SAMSN1: variants seen among roughly 807,000 people sequenced by gnomAD.
The protein encoded by SAMSN1 is SAM domain-containing protein SAMSN-1.
In SAMSN1, 31 loss-of-function variants were observed where a neutral mutation model predicts 42.0. That is an observed-to-expected ratio of 0.74 (90% CI 0.55 to 1.00). The LOEUF is 1.00. SAMSN1 is among the 50% of genes least tolerant of loss of function. The probability of loss-of-function intolerance (pLI) is 0.00; values close to 1 mark genes in which losing one functional copy is unlikely to be tolerated. For synonymous variants in SAMSN1, 178 were observed against 151.9 expected (o/e 1.17, Z -1.26); for missense variants, 464 against 439.4 (o/e 1.06, Z -0.50).
In SAMSN1 at chr21:14,486,204, A is replaced by G. The variant is rs534993024; in HGVS notation, c.920-90T>C. The G allele has an allele frequency of 1.2e-5, 10 of 861,856 alleles. 1 individual carries two copies. The Middle Eastern group carries it at 2.8e-3, about 240-fold the overall frequency. 53.4% of individuals were successfully genotyped at this position (861,856 alleles called of 1,614,324 possible). A position where few individuals can be genotyped will look rare whatever the true frequency, so the allele number is the denominator to read the frequency against. On this transcript the variant is annotated intron_variant, in intron 7 of 7. Transcript: ENST00000400566. ...TCACTTTCAAGTATTATCCTATTTT[A>G]ACTGTTCTAACCATGACTTCATTAC...
At chr21:14,512,315 A>G (rs1233627547) in intron 4 of SAMSN1, 129 bp downstream of exon 4, 4 of 906,936 alleles carry the variant, frequency 4.4e-6, no homozygotes, top group Non-Finnish European at 6.9e-6. Flanking sequence ...TAGATTTAAT[A>G]TATCTTACAT....
chr21:14,508,378 A>C (rs1600873183), intron 5 of SAMSN1, among the ~76,000 whole-genome samples: 1 of 152,292 alleles, frequency 6.6e-6, no homozygotes, highest in Non-Finnish European at 1.5e-5. Flanking sequence ...AAACAATCCC[A>C]TCAAAAAGTA....
At position 14,486,437 on chromosome 21, in the gene SAMSN1, A is replaced by G. The variant is rs1224356680; in HGVS notation, c.920-323T>C. ...TTAATAATAAGTTGCCAGAGAAAGC[A>G]GATTGTATCCACAGTGTGACTGATG... is the stretch of plus-strand genomic sequence containing the variant. On this transcript the variant is annotated intron_variant, in intron 7 of 7. Transcript: ENST00000400566. 3.3e-5 allele frequency among the ~76,000 whole-genome samples: 5 copies of G among 152,302 alleles called. No individual in the cohort carries two copies. In the East Asian group the frequency reaches 9.6e-4, roughly 29 times the overall value.
rs756020472 is a variant in SAMSN1, at chr21:14,512,501, C to A, written c.352G>T (p.Val118Leu). ...DPVIGTHTEK[V>L]SLKASDSMDS... ...ATGGAGTCACTGGCTTTGAGGGACA[C>A]CTTCTCTGTGTGGGTCCCAATCACA... Residue 118 changes from valine (V) to leucine (L), a missense_variant, in exon 4 of 8, where the codon GTG becomes TTG. Transcript: ENST00000400566. The A allele has an allele frequency of 2.3e-5, 37 of 1,613,848 alleles. No individual in the cohort carries two copies. The Admixed American group carries it at 5.0e-4, about 22-fold the overall frequency.
intron 2 of SAMSN1, among the ~76,000 whole-genome samples, chr21:14,570,121 T>C (rs992401202): frequency 1.3e-5 from 2 of 152,138 alleles, no homozygotes; most frequent in African/African-American, 4.8e-5. Flanking sequence ...TGCGGGTGAC[T>C]GCGCAGGTAC....
chr21:14,491,667 C>T (rs1023123305), intron 7 of SAMSN1, among the ~76,000 whole-genome samples: 12 of 152,326 alleles, frequency 7.9e-5, no homozygotes, highest in African/African-American at 2.4e-4. Context: ...AAGTGTTCAA[C>T]TCTAACTGCA....
intron 1 of SAMSN1, among the ~76,000 whole-genome samples, chr21:14,526,034 T>C (rs1978832406): frequency 6.6e-6 from 1 of 151,814 alleles, no homozygotes; most frequent in Admixed American, 6.6e-5. Context: ...CCCAGCTAAT[T>C]TTTTTGTATT....
upstream of SAMSN1, chr21:14,583,850 A>C (rs1981836002): frequency 1.5e-6 from 1 of 647,970 alleles, no homozygotes; most frequent in Non-Finnish European, 2.8e-6. Flanking sequence ...TGTTGAGATC[A>C]TAAATGTGGA....
intron 2 of SAMSN1, among the ~76,000 whole-genome samples, chr21:14,557,599 A>G (rs1412631856): frequency 6.6e-6 from 1 of 152,148 alleles, no homozygotes; most frequent in African/African-American, 2.4e-5. Context: ...ATTTATCCCC[A>G]GCTACCAGTT....
chr21:14,587,133 C>T (rs1460469185), upstream of SAMSN1, among the ~76,000 whole-genome samples: 2 of 152,192 alleles, frequency 1.3e-5, no homozygotes, highest in Non-Finnish European at 2.9e-5. Context: ...TCAATGGACT[C>T]TTCCCAATAG....
chr21:14,561,338 A>G (rs2123198609), intron 2 of SAMSN1, among the ~76,000 whole-genome samples: 1 of 152,154 alleles, frequency 6.6e-6, no homozygotes, highest in East Asian at 1.9e-4. Flanking sequence ...GAGCCTGATT[A>G]GAGTGATAAC....
chr21:14,547,413 T>C (rs989681914), upstream of SAMSN1, among the ~76,000 whole-genome samples: 2 of 152,174 alleles, frequency 1.3e-5, no homozygotes, highest in African/African-American at 2.4e-5. Context: ...GGTTTAAAAA[T>C]GTTTATGATA....
intron 1 of SAMSN1, among the ~76,000 whole-genome samples, chr21:14,542,322 G>A (rs1980097765): frequency 6.6e-6 from 1 of 152,154 alleles, no homozygotes; most frequent in South Asian, 2.1e-4. Context: ...CTAACTCTGT[G>A]TCTTCTTCAA....
rs193137786 is a variant in SAMSN1 at position 14,564,834 on chromosome 21, C to T, written c.261+17302G>A. ...TTTAGGAGCAGTCAGAGGAAGAAAC[C>T]GAAGGCTGGGGAGGATCACTCCAAA... On this transcript the variant is annotated intron_variant, in intron 2 of 8. Coordinates refer to the SAMSN1 transcript ENST00000285670. Among the ~76,000 whole-genome samples, 6 of 152,122 alleles carry T rather than the reference C, an allele frequency of 3.9e-5. No homozygotes were observed. In the East Asian group the frequency reaches 7.7e-4, roughly 20 times the overall value.
chr21:14,582,339 T>C (rs2822787), exon 2 of SAMSN1: 1,251,848 of 1,549,796 alleles, frequency 0.81, 508,110 homozygotes, highest in Admixed American at 0.83. Context: ...AAGTTGCAGT[T>C]ATTTAAAGTG....
At chr21:14,542,456 T>G (rs1284401270) in intron 1 of SAMSN1, among the ~76,000 whole-genome samples, 1 of 152,052 alleles carries the variant, frequency 6.6e-6, no homozygotes, top group African/African-American at 2.4e-5. Context: ...GCAACTGACA[T>G]GAAAATAAAC....
At position 14,609,570 on chromosome 21, in the gene SAMSN1, T is replaced by C. The variant is rs1438560762; in HGVS notation, c.236-2A>G. The C allele has an allele frequency of 1.4e-6, 1 of 717,928 alleles. No homozygotes were observed. The highest frequency in any genetic ancestry group is 2.6e-6 in the Non-Finnish European group (1 of 385,160). The allele number at this position is 717,928 out of a possible 1,614,324, so 44.5% of individuals were successfully genotyped here. On this transcript the variant is annotated splice_acceptor_variant, in intron 4 of 15. Transcript: ENST00000647101. LOFTEE classifies it high-confidence loss of function. ...TTTTGTCATTCACAGTTTTTCCTTC[T>C]AAAGTGAAGCAGATAATTGGTTAGC...
At chr21:14,513,923 G>A (rs1568778891) in intron 3 of SAMSN1, among the ~76,000 whole-genome samples, 1 of 152,150 alleles carries the variant, frequency 6.6e-6, no homozygotes, top group African/African-American at 2.4e-5. Flanking sequence ...ATCAAGAAAA[G>A]CTTTATAGAC....
exon 6 of SAMSN1, chr21:14,602,030 G>T: frequency 1.5e-6 from 1 of 689,238 alleles, no homozygotes; most frequent in South Asian, 1.6e-5. Context: ...TACCTGATAG[G>T]AAGTTCCTTG....
Sources: gnomAD v4.1 joint callset for allele counts (sites outside exome capture counted in the v4.1 genomes callset) on GRCh38, gnomAD v4.1.1 for gene constraint, MANE v1.5 for transcripts, NCBI Gene and HGNC (gene_info 2026-07-23, HGNC 2026-07-21) for gene names.